The following PDE1C variants were observed in gnomAD, a reference collection of about 807,000 sequenced individuals.
PDE1C encodes dual specificity calcium/calmodulin-dependent 3',5'-cyclic nucleotide phosphodiesterase 1C.
In PDE1C, 62 loss-of-function variants were observed where a neutral mutation model predicts 93.1. That is an observed-to-expected ratio of 0.67 (90% confidence interval 0.54 to 0.82). The LOEUF is 0.82. PDE1C is among the 40% of genes least tolerant of loss of function. The pLI is 0.00. For missense variants in PDE1C, 742 were observed against 884.6 expected, an observed-to-expected ratio of 0.84 and a Z score of 2.04; for synonymous variants, 325 against 310.1, an observed-to-expected ratio of 1.05 and a Z score of -0.50.
intron 1 of PDE1C, among the ~76,000 whole-genome samples, chr7:32,343,780 A>T (rs1283702291): frequency 6.6e-6 from 1 of 151,978 alleles, no homozygotes; most frequent in African/African-American, 2.4e-5. Flanking sequence ...AAGAAAACAG[A>T]TGCATTTCTG....
intron 7 of PDE1C, among the ~76,000 whole-genome samples, chr7:31,859,172 T>A (rs1169021294): frequency 1.3e-5 from 2 of 149,422 alleles, no homozygotes; most frequent in Admixed American, 6.7e-5. Flanking sequence ...ATTGACTATG[T>A]ACATTTATGA....
At chr7:31,811,961 C>T (rs1323418251) in intron 15 of PDE1C, among the ~76,000 whole-genome samples, 2 of 152,150 alleles carry the variant, frequency 1.3e-5, no homozygotes, top group Non-Finnish European at 2.9e-5. Context: ...GTGACACATG[C>T]TTGTTTGATG....
rs186555855 is a variant in PDE1C, at chr7:31,943,962, C to T, written c.129-63102G>A. Among the ~76,000 whole-genome samples the T allele has an allele frequency of 4.6e-5, 7 of 152,228 alleles. No homozygotes were observed. The East Asian group carries it at 9.7e-4, about 21-fold the overall frequency. ...GTAAGACAAAATTCATATTTGTTGACGCCCCTAGTCTTCACAAGTGACTTC... is the reference window on the plus strand; with the variant it reads ...GTAAGACAAAATTCATATTTGTTGATGCCCCTAGTCTTCACAAGTGACTTC... On this transcript the variant is annotated intron_variant, in intron 2 of 17. Transcript: ENST00000396191.
intron 2 of PDE1C, among the ~76,000 whole-genome samples, chr7:31,999,293 T>C (rs1247656239): frequency 6.6e-6 from 1 of 152,196 alleles, no homozygotes; most frequent in Non-Finnish European, 1.5e-5. Context: ...AAAATGCAGA[T>C]ACATTAATAT....
chr7:31,922,053 T>C (rs965508289), intron 2 of PDE1C, among the ~76,000 whole-genome samples: 1 of 152,170 alleles, frequency 6.6e-6, no homozygotes, highest in Non-Finnish European at 1.5e-5. Flanking sequence ...CCGAAACCTG[T>C]CAGCCTCCAA....
intron 11 of PDE1C, among the ~76,000 whole-genome samples, chr7:31,832,778 A>G (rs1304016124): frequency 1.3e-5 from 2 of 152,210 alleles, no homozygotes; most frequent in Non-Finnish European, 2.9e-5. Flanking sequence ...CCTCTAGCAC[A>G]TTTTTATTCG....
At chr7:32,275,243 A>G (rs980990866) in intron 1 of PDE1C, among the ~76,000 whole-genome samples, 2 of 152,162 alleles carry the variant, frequency 1.3e-5, no homozygotes, top group African/African-American at 2.4e-5. Flanking sequence ...CTAAGCTCAC[A>G]CATGTCATCA....
the PDE1C span, among the ~76,000 whole-genome samples, chr7:31,634,246 A>T: frequency 6.6e-6 from 1 of 152,212 alleles, no homozygotes; most frequent in Non-Finnish European, 1.5e-5. Flanking sequence ...CCATGAAGAC[A>T]CTTGTGTGCT....
intron 2 of PDE1C, among the ~76,000 whole-genome samples, chr7:32,050,875 G>A (rs1300303114): frequency 6.6e-6 from 1 of 152,184 alleles, no homozygotes; most frequent in Non-Finnish European, 1.5e-5. Context: ...CGGAGGCCAT[G>A]CACTCAAAAA....
chr7:32,161,940 A>T (rs558984865), intron 3 of PDE1C, among the ~76,000 whole-genome samples: 1 of 152,272 alleles, frequency 6.6e-6, no homozygotes, highest in East Asian at 1.9e-4. Flanking sequence ...TGGATTTCTC[A>T]ACGGCCCAAG....
At chr7:32,400,889 C>G (rs1168893709) in intron 1 of PDE1C, among the ~76,000 whole-genome samples, 2 of 152,198 alleles carry the variant, frequency 1.3e-5, no homozygotes, top group East Asian at 1.9e-4. Context: ...CACATGTACC[C>G]CACAAGCTAA....
chr7:32,234,336 T>C (rs1159632947), intron 1 of PDE1C, among the ~76,000 whole-genome samples: 2 of 151,678 alleles, frequency 1.3e-5, no homozygotes, highest in African/African-American at 4.8e-5. Flanking sequence ...TTTAAAAAGA[T>C]CAGTAAAATT....
intron 2 of PDE1C, among the ~76,000 whole-genome samples, chr7:31,961,352 T>C (rs973421971): frequency 6.6e-5 from 10 of 152,078 alleles, no homozygotes; most frequent in African/African-American, 1.2e-4. Context: ...TCAGAGTATA[T>C]TGATAAAGTT....
intron 1 of PDE1C, among the ~76,000 whole-genome samples, chr7:32,226,075 A>G (rs1807244776): frequency 1.3e-5 from 2 of 152,104 alleles, no homozygotes; most frequent in Non-Finnish European, 2.9e-5. Context: ...AAAAAAAAGG[A>G]AAGAAAGTTG....
intron 3 of PDE1C, 95 bp downstream of exon 3, chr7:31,880,652 C>G: frequency 2.8e-6 from 2 of 708,580 alleles, no homozygotes; most frequent in Admixed American, 4.8e-5. Context: ...ATTTGAATGT[C>G]ACCCCATTCC....
chr7:31,943,545 C>G (rs1450645731), intron 2 of PDE1C, among the ~76,000 whole-genome samples: 1 of 152,114 alleles, frequency 6.6e-6, no homozygotes, highest in Non-Finnish European at 1.5e-5. Flanking sequence ...TTTCTTCCAA[C>G]CTAACATTGT....
chr7:31,957,089 A>G (rs1414927008), intron 2 of PDE1C, among the ~76,000 whole-genome samples: 5 of 151,640 alleles, frequency 3.3e-5, no homozygotes, highest in African/African-American at 9.7e-5. Context: ...AGAGGTAAAA[A>G]TAATTGCTCT....
chr7:32,416,844 G>A (rs1358791084), intron 1 of PDE1C, among the ~76,000 whole-genome samples: 1 of 152,192 alleles, frequency 6.6e-6, no homozygotes, highest in Non-Finnish European at 1.5e-5. Context: ...GGGGAAATGA[G>A]TGCAGAGGAA....
intron 2 of PDE1C, among the ~76,000 whole-genome samples, chr7:31,958,106 T>C (rs1328102534): frequency 6.6e-6 from 1 of 152,206 alleles, no homozygotes; most frequent in Non-Finnish European, 1.5e-5. Flanking sequence ...TAAAAAATGT[T>C]TTTTCATCCA....
Sources: allele counts gnomAD v4.1 joint callset (sites outside exome capture counted in the v4.1 genomes callset), GRCh38; gene constraint gnomAD v4.1.1; transcripts MANE v1.5; gene names NCBI Gene and HGNC (gene_info 2026-07-23, HGNC 2026-07-21).